Variants in NOTCH2NLA observed in about 807,000 individuals in gnomAD.
NOTCH2NLA encodes notch 2 N-terminal like A, also known as notch homolog 2 N-terminal-like protein A.
exon 1 of NOTCH2NLA, chr1:146,229,012 T>G (rs1272853785): frequency 7.4e-7 from 1 of 1,351,872 alleles, no homozygotes; most frequent in Non-Finnish European, 9.6e-7. Flanking sequence ...GCTGAAACTT[T>G]CTCGGGTGTG....
At chr1:146,210,573 A>T (rs1454068688) in intron 1 of NOTCH2NLA, among the ~76,000 whole-genome samples, 1 of 96,602 alleles carries the variant, frequency 1.0e-5, no homozygotes, top group Non-Finnish European at 2.0e-5. Flanking sequence ...AGTTTTGAAA[A>T]AACAATTCCA....
chr1:146,158,321 C>A (rs1444463784), intron 3 of NOTCH2NLA, among the ~76,000 whole-genome samples: 32 of 147,130 alleles, frequency 2.2e-4, no homozygotes, highest in African/African-American at 8.0e-4. Flanking sequence ...CCCCGTCCCA[C>A]CACCCCACGA....
Position 146,187,845 on chromosome 1 carries a change from T to G in NOTCH2NLA, c.38+1455A>C, listed in dbSNP as rs79149645. On this transcript the variant is annotated intron_variant, in intron 2 of 4. Transcript: ENST00000362074. ...ATTCTTAGAGGAGAATGCACCACAT[T>G]TTTTTTTCCCCCAGCTAGAAAAACT... Among the ~76,000 whole-genome samples the G allele has an allele frequency of 2.9e-3, 400 of 135,858 alleles. 28 individuals are homozygous for G. In the East Asian group the frequency reaches 0.04, roughly 14 times the overall value. 89.1% of individuals were successfully genotyped at this position (135,858 alleles called of 152,430 possible).
At chr1:146,219,917 T>C (rs2312137) in intron 1 of NOTCH2NLA, among the ~76,000 whole-genome samples, 6 of 75,780 alleles carry the variant, frequency 7.9e-5, no homozygotes, top group African/African-American at 1.6e-4. Flanking sequence ...ATTTTATTTA[T>C]GCTTTTCTAG....
At chr1:146,173,900 G>GA (rs1662123457) in intron 2 of NOTCH2NLA, among the ~76,000 whole-genome samples, 1 of 72,000 alleles carries the variant, frequency 1.4e-5, no homozygotes, top group South Asian at 4.5e-4. Flanking sequence ...GTTGGATGTA[G>GA]AAAAGCAAAG....
intron 2 of NOTCH2NLA, among the ~76,000 whole-genome samples, chr1:146,183,571 C>G (rs587633619): frequency 8.4e-6 from 1 of 119,100 alleles, no homozygotes; most frequent in Non-Finnish European, 1.7e-5. Flanking sequence ...AGGCACCGTA[C>G]TTGAAGGAAC....
At chr1:146,174,620 C>T (rs1176655390) in intron 2 of NOTCH2NLA, among the ~76,000 whole-genome samples, 1 of 142,044 alleles carries the variant, frequency 7.0e-6, no homozygotes, top group Non-Finnish European at 1.6e-5. Context: ...TGCAGCTGCT[C>T]CTCATTAAAG....
At chr1:146,229,009 C>G (rs1553820661) in exon 1 of NOTCH2NLA, 1 of 1,361,948 alleles carries the variant, frequency 7.3e-7, no homozygotes, top group Non-Finnish European at 9.5e-7. Flanking sequence ...TTGGCTGAAA[C>G]TTTCTCGGGT....
intron 3 of NOTCH2NLA, among the ~76,000 whole-genome samples, chr1:146,158,085 A>G (rs2102268264): frequency 6.6e-6 from 1 of 151,394 alleles, no homozygotes; most frequent in African/African-American, 2.4e-5. Flanking sequence ...TAAATTTGGT[A>G]TTCACATGGC....
At chr1:146,185,312 T>G (rs1310763979) in intron 2 of NOTCH2NLA, among the ~76,000 whole-genome samples, 2 of 136,238 alleles carry the variant, frequency 1.5e-5, no homozygotes, top group East Asian at 4.0e-4. Flanking sequence ...AACTTGAAAG[T>G]GATTAATGAC....
At position 146,186,106 on chromosome 1, in the gene NOTCH2NLA, C is replaced by A. The variant is rs1662746959; in HGVS notation, c.38+3194G>T. Among the ~76,000 whole-genome samples the A allele has an allele frequency of 1.5e-5, 2 of 134,114 alleles. 1 individual carries two copies. The highest frequency in any genetic ancestry group is 4.1e-4 in the East Asian group (2 of 4,914). The allele number at this position is 134,114 out of a possible 152,430, so 88.0% of individuals were successfully genotyped here. ...TTTTTCTTTGTCCACTTATGTTGAC[C>A]CTGCCACTCCTAAATATGCTAATAT... is the stretch of plus-strand genomic sequence containing the variant. On this transcript the variant is annotated intron_variant, in intron 2 of 4. Coordinates refer to ENST00000362074, the Ensembl canonical transcript of NOTCH2NLA.
At chr1:146,154,524 T>A, downstream of NOTCH2NLA, 2 of 143,686 alleles carry the variant, frequency 1.4e-5, no homozygotes, top group African/African-American at 5.1e-5. Context: ...ACACACACCA[T>A]CAGTGAGTAA....
In NOTCH2NLA at chr1:146,187,926, T is replaced by C. The variant is rs146483373; in HGVS notation, c.38+1374A>G. Among the ~76,000 whole-genome samples, 10 of 136,450 alleles carry C rather than the reference T, an allele frequency of 7.3e-5. 1 individual carries two copies. Among genetic ancestry groups the C allele is most frequent in the South Asian group, 4.6e-4 (2 of 4,348 alleles). 89.5% of individuals were successfully genotyped at this position (136,450 alleles called of 152,430 possible). On this transcript the variant is annotated intron_variant, in intron 2 of 4. Transcript: ENST00000362074. ...ACCTTTATTTCCAATGTTATCTTTATTCCAATCCAAACAACCTATTGTTAA... is the reference window on the plus strand; with the variant it reads ...ACCTTTATTTCCAATGTTATCTTTACTCCAATCCAAACAACCTATTGTTAA...
chr1:146,171,641 ACCT>A (rs1661988204), intron 2 of NOTCH2NLA, among the ~76,000 whole-genome samples: 1 of 115,298 alleles, frequency 8.7e-6, no homozygotes, highest in African/African-American at 2.8e-5. Flanking sequence ...CTGAACCATG[ACCT>A]CCTGATCTGG....
intron 1 of NOTCH2NLA, among the ~76,000 whole-genome samples, chr1:146,206,480 G>GTAAA (rs1663591959): frequency 8.2e-6 from 1 of 122,416 alleles, no homozygotes; most frequent in South Asian, 2.7e-4. Flanking sequence ...GCACTGTTAA[G>GTAAA]ATTATTACCC....
At chr1:146,228,921 A>G (rs781950972) in exon 1 of NOTCH2NLA, 8 of 1,469,212 alleles carry the variant, frequency 5.4e-6, no homozygotes, top group Admixed American at 2.6e-5. Context: ...TACGCTCCGA[A>G]GCCCAGCGCA....
In NOTCH2NLA at chr1:146,171,366, G is replaced by A. The variant is rs1205919366; in HGVS notation, c.39-6356C>T. On this transcript the variant is annotated intron_variant, in intron 2 of 4. Transcript: ENST00000362074. ...GAATGGCATGAACCCAGAAGTTGGA[G>A]GTTGCAGTGAGCCAAGATCGCGCCA... is the stretch of plus-strand genomic sequence containing the variant. Among the ~76,000 whole-genome samples, 18 of 140,674 alleles carry A rather than the reference G, an allele frequency of 1.3e-4. 2 individuals are homozygous for A. Among genetic ancestry groups the A allele is most frequent in the African/African-American group, 4.4e-4 (18 of 40,760 alleles). 92.3% of individuals were successfully genotyped at this position (140,674 alleles called of 152,430 possible). A position where few individuals can be genotyped will look rare whatever the true frequency, so the allele number is the denominator to read the frequency against.
At chr1:146,174,424 T>TA (rs1662154672) in intron 2 of NOTCH2NLA, among the ~76,000 whole-genome samples, 6 of 138,350 alleles carry the variant, frequency 4.3e-5, no homozygotes, top group South Asian at 2.3e-4. Flanking sequence ...TTTTTTTTTT[T>TA]AAAACGAGGA....
At chr1:146,159,269 A>C (rs868923043) in intron 3 of NOTCH2NLA, among the ~76,000 whole-genome samples, 1 of 150,752 alleles carries the variant, frequency 6.6e-6, no homozygotes, top group Non-Finnish European at 1.5e-5. Flanking sequence ...GAGGCACAAG[A>C]ATCACTCGAA....
Sources: allele counts gnomAD v4.1 joint callset (sites outside exome capture counted in the v4.1 genomes callset), GRCh38; gene constraint gnomAD v4.1.1; transcripts MANE v1.5; gene names NCBI Gene and HGNC (gene_info 2026-07-23, HGNC 2026-07-21).